VIPR2: variants seen among roughly 807,000 people sequenced by gnomAD.
VIPR2 encodes the protein vasoactive intestinal peptide receptor 2, also known as vasoactive intestinal polypeptide receptor 2.
Under a neutral mutation model 58.0 loss-of-function variants are expected in VIPR2, and 48 were observed. The ratio of observed to expected loss-of-function variants is 0.83; its 90% confidence interval spans 0.66 to 1.05. VIPR2 has a LOEUF of 1.05. VIPR2 is among the 50% of genes least tolerant of loss of function. The pLI, the probability that VIPR2 is intolerant of heterozygous loss-of-function variation, is 0.00. For synonymous variants in VIPR2, 243 were observed against 235.2 expected (o/e 1.03, Z -0.30); for missense variants, 534 against 558.0 (o/e 0.96, Z 0.43).
intron 5 of VIPR2, among the ~76,000 whole-genome samples, chr7:159,047,635 A>G (rs1197230033): frequency 6.6e-6 from 1 of 152,238 alleles, no homozygotes; most frequent in African/African-American, 2.4e-5. Flanking sequence ...TACTATTGAA[A>G]GTATTTGTGT....
At chr7:159,134,539 A>C (rs1388820909) in intron 2 of VIPR2, among the ~76,000 whole-genome samples, 1 of 152,222 alleles carries the variant, frequency 6.6e-6, no homozygotes, top group Non-Finnish European at 1.5e-5. Flanking sequence ...CTGACAAAAG[A>C]AATTTTATGT....
At chr7:159,136,469 A>G (rs1313353826) in intron 2 of VIPR2, among the ~76,000 whole-genome samples, 1 of 152,152 alleles carries the variant, frequency 6.6e-6, no homozygotes, top group East Asian at 1.9e-4. Flanking sequence ...AGTCGAAGCC[A>G]CCAAGAATCT....
chr7:159,031,568 G>A lies in VIPR2; in HGVS notation c.1143+260C>T, dbSNP rs1052161487. The A allele has an allele frequency of 1.2e-5, 12 of 985,400 alleles. No individual in the cohort carries two copies. The highest frequency in any genetic ancestry group is 1.4e-5 in the Non-Finnish European group (12 of 829,926). 61.0% of individuals were successfully genotyped at this position (985,400 alleles called of 1,614,324 possible). A position where few individuals can be genotyped will look rare whatever the true frequency, so the allele number is the denominator to read the frequency against. On this transcript the variant is annotated intron_variant, in intron 12 of 12. Coordinates refer to ENST00000262178, the MANE Select transcript of VIPR2 (RefSeq NM_003382.5). This position sits in a 1 kb window ranked among gnomAD's most constrained non-coding sequence, Gnocchi z 4.0. ...TCTAGACCCGGCCGGGAGCTTTCCC[G>A]AGAGGGCTCCGAGACGGACGGCAGT...
chr7:159,039,009 T>C (rs1415265376), intron 6 of VIPR2, among the ~76,000 whole-genome samples: 1 of 152,180 alleles, frequency 6.6e-6, no homozygotes, highest in East Asian at 1.9e-4. Context: ...CCCTGGAGTG[T>C]GCATGAGAGC....
intron 4 of VIPR2, among the ~76,000 whole-genome samples, chr7:159,091,695 C>A (rs376146551): frequency 6.6e-6 from 1 of 152,162 alleles, no homozygotes; most frequent in Admixed American, 6.5e-5. Flanking sequence ...TCCCGGGACG[C>A]GAGCACTGGT....
chr7:159,072,439 A>G (rs1016062295), intron 4 of VIPR2, among the ~76,000 whole-genome samples: 3 of 152,264 alleles, frequency 2.0e-5, no homozygotes, highest in African/African-American at 7.2e-5. Flanking sequence ...AACATTGTCA[A>G]AATTATGGTC....
At chr7:159,144,614 G>A (rs939422263) in intron 1 of VIPR2, 107 bp downstream of exon 1, 10 of 1,380,822 alleles carry the variant, frequency 7.2e-6, no homozygotes, top group Admixed American at 3.2e-5. Flanking sequence ...CCCCGCCCGC[G>A]CTCCAGCACC....
chr7:159,120,844 C>G (rs561114215), intron 2 of VIPR2, among the ~76,000 whole-genome samples: 1 of 152,274 alleles, frequency 6.6e-6, no homozygotes, highest in South Asian at 2.1e-4. Context: ...TTTGAAAATG[C>G]ATTTTCTAAC....
intron 7 of VIPR2, 24 bp downstream of exon 7, chr7:159,036,728 G>A (rs372399968): frequency 1.9e-6 from 3 of 1,602,798 alleles, no homozygotes; most frequent in East Asian, 2.2e-5. Flanking sequence ...TGGAGGGTTT[G>A]TGGGTGGGAA....
chr7:159,134,324 G>A (rs429893), intron 2 of VIPR2, among the ~76,000 whole-genome samples: 61,252 of 151,896 alleles, frequency 0.4, 13,613 homozygotes, highest in African/African-American at 0.6. Flanking sequence ...TAAAATCACT[G>A]GAAATAAAGA....
At chr7:159,038,341 G>A (rs1160943425) in intron 6 of VIPR2, among the ~76,000 whole-genome samples, 2 of 152,114 alleles carry the variant, frequency 1.3e-5, no homozygotes, top group Admixed American at 1.3e-4. Flanking sequence ...GCACAGGTGA[G>A]AGTTACCCTT....
chr7:159,126,897 C>T (rs1796670686), intron 2 of VIPR2, among the ~76,000 whole-genome samples: 1 of 152,240 alleles, frequency 6.6e-6, no homozygotes. Context: ...CTGCCACTGT[C>T]CAGGGCTACC....
intron 4 of VIPR2, among the ~76,000 whole-genome samples, chr7:159,072,473 T>C (rs771676683): frequency 1.3e-5 from 2 of 152,220 alleles, no homozygotes; most frequent in Non-Finnish European, 2.9e-5. Context: ...GAGCCTTAAA[T>C]ACCTTTCTTA....
At position 159,043,188 on chromosome 7, in the gene VIPR2, G is replaced by A. The variant is rs1285294220; in HGVS notation, c.456-12C>T. ...TGCAGTGCAGCTTCCTGAGGTGGGG[G>A]AGTGGGAGAGAGAGGAATTGGAGGG... On this transcript the variant is annotated splice_polypyrimidine_tract_variant and intron_variant, in intron 5 of 12. Transcript: ENST00000262178. 4 of 1,600,862 alleles carry A rather than the reference G, an allele frequency of 2.5e-6. No individual in the cohort carries two copies. In the African/African-American group the frequency reaches 4.0e-5, roughly 16 times the overall value.
chr7:159,128,465 C>A lies in VIPR2; in HGVS notation c.151+13981G>T, dbSNP rs1796737958. 6.6e-6 allele frequency among the ~76,000 whole-genome samples: 1 copy of A among 152,202 alleles called. No individual in the cohort carries two copies. On this transcript the variant is annotated intron_variant, in intron 2 of 12. Transcript: ENST00000262178. The surrounding 1 kb of genome is among the most constrained non-coding windows in gnomAD (Gnocchi z 4.1). ...CCTCTGGGCCCCCCTGGCCACTCCC[C>A]TCCTGCCTTGGGCCTCCCACCTGTG...
At chr7:159,142,408 T>C (rs1286636525) in intron 2 of VIPR2, 38 bp downstream of exon 2, 6 of 1,501,584 alleles carry the variant, frequency 4.0e-6, no homozygotes, top group Non-Finnish European at 4.6e-6. Context: ...CGGGTGAGAA[T>C]GTCACGGGAG....
chr7:159,063,102 G>A (rs1044131701), intron 4 of VIPR2, among the ~76,000 whole-genome samples: 4 of 152,222 alleles, frequency 2.6e-5, no homozygotes, highest in South Asian at 2.1e-4. Context: ...TCCTGCACCG[G>A]GCCGCAGGCG....
At chr7:159,087,882 T>C (rs1200135373) in intron 4 of VIPR2, among the ~76,000 whole-genome samples, 1 of 151,972 alleles carries the variant, frequency 6.6e-6, no homozygotes, top group Non-Finnish European at 1.5e-5. Flanking sequence ...AGGACTCGGA[T>C]AGTGAGATAC....
In VIPR2 at chr7:159,109,704, C is replaced by A. The variant is rs1795914793; in HGVS notation, c.259+108G>T. The A allele has an allele frequency of 1.1e-5, 11 of 1,017,114 alleles. No individual in the cohort carries two copies. In the South Asian group the frequency reaches 1.4e-4, roughly 13 times the overall value. 63.0% of individuals were successfully genotyped at this position (1,017,114 alleles called of 1,614,324 possible). The stretch of plus-strand genomic sequence containing the variant: ...AGCTGTTCCCTGACCCCCAGGGTAG[C>A]AGGAGATGCCTGAAGGAAAGTGATG... On this transcript the variant is annotated intron_variant, in intron 3 of 12. Coordinates refer to ENST00000262178, the MANE Select transcript of VIPR2 (RefSeq NM_003382.5).
Sources: allele counts gnomAD v4.1 joint callset (sites outside exome capture counted in the v4.1 genomes callset), GRCh38; gene constraint gnomAD v4.1.1; non-coding constraint Gnocchi (gnomAD v3.1); transcripts MANE v1.5; gene names NCBI Gene and HGNC (gene_info 2026-07-23, HGNC 2026-07-21).